Variants in LIMCH1 observed in about 807,000 individuals in gnomAD.
The protein encoded by LIMCH1 is LIM and calponin homology domains-containing protein 1.
Under a neutral mutation model 176.5 loss-of-function variants are expected in LIMCH1, and 113 were observed. The ratio of observed to expected loss-of-function variants is 0.64; its 90% CI spans 0.55 to 0.75. The LOEUF (loss-of-function observed/expected upper bound fraction) is 0.75. Among genes scored for constraint, LIMCH1 ranks in the 30% least tolerant of loss-of-function variants. LIMCH1 has a pLI of 0.00. For synonymous variants in LIMCH1, 619 were observed against 645.9 expected, an observed-to-expected ratio of 0.96 and a Z score of 0.63; for missense variants, 1,674 against 1,814.9, an observed-to-expected ratio of 0.92 and a Z score of 1.41.
chr4:41,542,886 A>G (rs1256784529), intron 1 of LIMCH1, among the ~76,000 whole-genome samples: 3 of 152,224 alleles, frequency 2.0e-5, no homozygotes, highest in African/African-American at 7.2e-5. Context: ...GAACTGAAAA[A>G]ATTGTAACAT....
At chr4:41,638,114 G>GTT (rs1488241930) in intron 13 of LIMCH1, among the ~76,000 whole-genome samples, 6 of 91,438 alleles carry the variant, frequency 6.6e-5, no homozygotes, top group Non-Finnish European at 1.2e-4. Context: ...TGTTGTTGTT[G>GTT]TTGTTGTTGT....
intron 1 of LIMCH1, among the ~76,000 whole-genome samples, chr4:41,454,236 A>T (rs1170198619): frequency 6.6e-6 from 1 of 152,192 alleles, no homozygotes; most frequent in Non-Finnish European, 1.5e-5. Context: ...CTCTTCCAGG[A>T]CTGGGATAAA....
chr4:41,395,437 T>C (rs1312332259), intron 1 of LIMCH1, among the ~76,000 whole-genome samples: 1 of 145,968 alleles, frequency 6.9e-6, no homozygotes, highest in Non-Finnish European at 1.5e-5. Context: ...GAGGTGGGGT[T>C]TCACCATGTT....
chr4:41,425,839 A>G (rs1408213320), intron 1 of LIMCH1, among the ~76,000 whole-genome samples: 3 of 152,158 alleles, frequency 2.0e-5, no homozygotes, highest in Admixed American at 2.0e-4. Flanking sequence ...GATTCTGCCC[A>G]CATATGCAGA....
At chr4:41,563,023 C>A (rs7681634) in intron 1 of LIMCH1, among the ~76,000 whole-genome samples, 28,228 of 152,094 alleles carry the variant, frequency 0.19, 3,109 homozygotes, top group South Asian at 0.31. Context: ...TTTCCTCTCC[C>A]AGTGGAACAC....
At chr4:41,384,507 C>G (rs1055542487) in intron 1 of LIMCH1, among the ~76,000 whole-genome samples, 1 of 152,136 alleles carries the variant, frequency 6.6e-6, no homozygotes, top group Non-Finnish European at 1.5e-5. Flanking sequence ...CGCGCCCGGC[C>G]TACATCGTGC....
At chr4:41,414,390 G>C (rs2154125744) in intron 1 of LIMCH1, among the ~76,000 whole-genome samples, 1 of 152,244 alleles carries the variant, frequency 6.6e-6, no homozygotes, top group Non-Finnish European at 1.5e-5. Flanking sequence ...CTTAAAAACT[G>C]TTTTCCTCTC....
intron 18 of LIMCH1, among the ~76,000 whole-genome samples, chr4:41,651,977 G>C (rs750854885): frequency 1.3e-5 from 2 of 152,142 alleles, no homozygotes; most frequent in African/African-American, 4.8e-5. Flanking sequence ...TTCGGGGTAC[G>C]GGCTGGACTC....
At chr4:41,492,904 TG>T (rs2071351217) in intron 1 of LIMCH1, among the ~76,000 whole-genome samples, 1 of 152,198 alleles carries the variant, frequency 6.6e-6, no homozygotes, top group Non-Finnish European at 1.5e-5. Flanking sequence ...AAAGTTTCTT[TG>T]TCTGATATAT....
chr4:41,566,193 G>A (rs576810910), intron 1 of LIMCH1, among the ~76,000 whole-genome samples: 9 of 152,156 alleles, frequency 5.9e-5, no homozygotes, highest in Admixed American at 2.0e-4. Context: ...TATGAGGACT[G>A]GAATCAACTT....
chr4:41,415,713 C>T (rs1397584376), intron 1 of LIMCH1, among the ~76,000 whole-genome samples: 4 of 152,150 alleles, frequency 2.6e-5, no homozygotes, highest in Non-Finnish European at 5.9e-5. Flanking sequence ...CGCGGTGGCT[C>T]ACGCCTGTAA....
intron 1 of LIMCH1, among the ~76,000 whole-genome samples, chr4:41,597,319 G>T (rs12108357): frequency 6.6e-6 from 1 of 152,102 alleles, no homozygotes; most frequent in Non-Finnish European, 1.5e-5. Context: ...TCATAAAGTT[G>T]TACAGGAATT....
intron 1 of LIMCH1, among the ~76,000 whole-genome samples, chr4:41,382,131 A>T (rs560292395): frequency 6.6e-6 from 1 of 152,346 alleles, no homozygotes; most frequent in South Asian, 2.1e-4. Flanking sequence ...GTTGTTTACC[A>T]CTGAAGTGTG....
chr4:41,559,951 C>T (rs2081844110), intron 1 of LIMCH1, among the ~76,000 whole-genome samples: 1 of 152,096 alleles, frequency 6.6e-6, no homozygotes, highest in Non-Finnish European at 1.5e-5. Flanking sequence ...GCCAAAAATT[C>T]CCAAGTCTCT....
intron 1 of LIMCH1, among the ~76,000 whole-genome samples, chr4:41,579,774 G>T (rs1040949506): frequency 6.6e-6 from 1 of 152,200 alleles, no homozygotes; most frequent in Admixed American, 6.5e-5. Flanking sequence ...GATAGGGGAT[G>T]ATTGCCTTTC....
At chr4:41,512,680 A>G (rs2075072123) in intron 2 of LIMCH1, among the ~76,000 whole-genome samples, 1 of 152,240 alleles carries the variant, frequency 6.6e-6, no homozygotes, top group Non-Finnish European at 1.5e-5. Context: ...TTTCATTTAT[A>G]TAAATGTTCT....
At chr4:41,661,830 C>T (rs2094633938) in intron 19 of LIMCH1, 1 of 377,258 alleles carries the variant, frequency 2.7e-6, no homozygotes, top group Non-Finnish European at 4.9e-6. Context: ...AGGATTTTGA[C>T]ACACAGTAAC....
In LIMCH1 at chr4:41,631,285, A is replaced by G. The variant is rs1213336540; in HGVS notation, c.1409A>G (p.His470Arg). 15 of 1,536,012 alleles carry G rather than the reference A, an allele frequency of 9.8e-6. No individual in the cohort carries two copies. Among genetic ancestry groups the G allele is most frequent in the Admixed American group, 2.0e-5 (1 of 50,978 alleles). ...KASSPRQKFV[H>R]FGPVTELDQQ... ...TCCAGCCCCAGGCAAAAGTTTGTGC[A>G]CTTTGGGCCAGTGACGGAGCTAGAT... Residue 470 changes from histidine to arginine, a missense_variant, in exon 10 of 32, where the codon CAC becomes CGC. This residue lies in a region of LIMCH1 where 655 missense variants were observed against 692.2 expected (regional missense o/e 0.95). Transcript: ENST00000503057.
chr4:41,520,395 A>G (rs906983711), intron 2 of LIMCH1, among the ~76,000 whole-genome samples: 13 of 152,068 alleles, frequency 8.5e-5, no homozygotes, highest in Admixed American at 3.9e-4. Flanking sequence ...GTTCCTTTGT[A>G]TCATTCAACT....
Sources: allele counts gnomAD v4.1 joint callset (sites outside exome capture counted in the v4.1 genomes callset), GRCh38; gene constraint gnomAD v4.1.1; regional missense constraint gnomAD v4.1.1; transcripts MANE v1.5; gene names NCBI Gene and HGNC (gene_info 2026-07-23, HGNC 2026-07-21).